The following STARD8 variants were observed in gnomAD, a reference collection of about 807,000 sequenced individuals.
The protein encoded by STARD8 is stAR-related lipid transfer protein 8.
Under a neutral mutation model 69.4 loss-of-function variants are expected in STARD8, and 25 were observed. The ratio of observed to expected loss-of-function variants is 0.36; its 90% CI spans 0.26 to 0.50. The LOEUF is 0.50. Ranked by LOEUF, STARD8 falls within the 20% of genes least tolerant of loss-of-function variation. STARD8 has a pLI of 0.96. For missense variants in STARD8, 921 were observed against 932.5 expected (o/e 0.99, Z 0.16); for synonymous variants, 389 against 374.6 (o/e 1.04, Z -0.45).
chrX:68,661,237 G>A (rs1368705513), intron 1 of STARD8, among the ~76,000 whole-genome samples: 2 of 111,891 alleles, frequency 1.8e-5, no homozygotes, highest in African/African-American at 3.3e-5. Context: ...TTGTGGCTGA[G>A]GATGGCCCGG....
chrX:68,716,735 C>T (rs897322957), intron 5 of STARD8, among the ~76,000 whole-genome samples: 2 of 111,623 alleles, frequency 1.8e-5, no homozygotes, highest in East Asian at 5.7e-4. Context: ...GGTCTCAGCT[C>T]TACCACTGAT....
chrX:68,682,144 G>A (rs1284380307), intron 2 of STARD8, among the ~76,000 whole-genome samples: 1 of 110,354 alleles, frequency 9.1e-6, no homozygotes, highest in African/African-American at 3.3e-5. Context: ...GACTACAGGC[G>A]CACACCACCA....
Position 68,647,933 on chromosome X carries a change from T to C in STARD8, c.45+6T>C. 8.4e-7 allele frequency: 1 copy of C among 1,197,596 alleles called. No individual in the cohort carries two copies. The highest frequency in any genetic ancestry group is 1.1e-6 in the Non-Finnish European group (1 of 888,520). On this transcript the variant is annotated splice_donor_region_variant and intron_variant, in intron 1 of 14. Coordinates refer to ENST00000374599, the MANE Select transcript of STARD8 (RefSeq NM_001142503.3). The stretch of plus-strand genomic sequence containing the variant: ...CTTGCTTCAGGAAGGTGAAGGTAAG[T>C]GACTGGCCAGCCCCAGCCCATCCCG...
intron 2 of STARD8, among the ~76,000 whole-genome samples, chrX:68,707,130 A>G (rs1010481550): frequency 8.9e-6 from 1 of 112,684 alleles, no homozygotes; most frequent in Non-Finnish European, 1.9e-5. Context: ...ACAAACATGG[A>G]GACCAGACCC....
chrX:68,661,482 G>A (rs2079644175), intron 1 of STARD8, among the ~76,000 whole-genome samples: 1 of 112,020 alleles, frequency 8.9e-6, no homozygotes, highest in African/African-American at 3.2e-5. Flanking sequence ...TCCAGGGCAG[G>A]AATCACATCT....
intron 5 of STARD8, 21 bp downstream of exon 5, chrX:68,716,452 G>T (rs760316831): frequency 1.7e-6 from 2 of 1,204,444 alleles, no homozygotes; most frequent in Non-Finnish European, 2.2e-6. Flanking sequence ...GCAAAGCGTG[G>T]GTCTGTGGTC....
chrX:68,705,483 A>G (rs1024802195), intron 2 of STARD8, among the ~76,000 whole-genome samples: 4 of 112,728 alleles, frequency 3.5e-5, no homozygotes, highest in African/African-American at 1.3e-4. Flanking sequence ...ATTTTTAAAT[A>G]AAATGCCAAA....
At chrX:68,673,415 G>A (rs996439779) in intron 2 of STARD8, among the ~76,000 whole-genome samples, 8 of 111,893 alleles carry the variant, frequency 7.1e-5, no homozygotes, top group East Asian at 2.8e-4. Context: ...CTATTTCATC[G>A]TCCCAGATAC....
chrX:68,663,574 G>A (rs569019728), intron 1 of STARD8, among the ~76,000 whole-genome samples: 2 of 111,660 alleles, frequency 1.8e-5, no homozygotes, highest in African/African-American at 6.5e-5. Flanking sequence ...TTAGGCTGGT[G>A]GAGTGGGGGA....
In STARD8 at chrX:68,664,943, C is replaced by T. The variant is rs899666043; in HGVS notation, c.46-556C>T. 6.3e-5 allele frequency among the ~76,000 whole-genome samples: 7 copies of T among 111,732 alleles called. No individual in the cohort carries two copies. The Admixed American group carries it at 6.6e-4, about 11-fold the overall frequency. On this transcript the variant is annotated intron_variant, in intron 1 of 14. Coordinates refer to ENST00000374599, the MANE Select transcript of STARD8 (RefSeq NM_001142503.3). The stretch of plus-strand genomic sequence containing the variant: ...TAATTTGTCACAAAGCCTGTGAAGT[C>T]GGGATTATTGCTTTCCTAGTCTTAT...
intron 1 of STARD8, among the ~76,000 whole-genome samples, chrX:68,657,095 A>G (rs185316808): frequency 8.9e-6 from 1 of 112,270 alleles, no homozygotes; most frequent in East Asian, 2.8e-4. Context: ...TTACATGGTT[A>G]TTATGAAGCT....
chrX:68,716,328 G>T (rs1389104804), intron 4 of STARD8, 40 bp from the exon 5 acceptor site: 1 of 1,186,333 alleles, frequency 8.4e-7, no homozygotes, highest in African/African-American at 1.8e-5. Flanking sequence ...CAGGCTTTGG[G>T]GATGGGGACC....
intron 2 of STARD8, among the ~76,000 whole-genome samples, chrX:68,684,625 G>A (rs1392586116): frequency 8.9e-6 from 1 of 112,872 alleles, no homozygotes; most frequent in Non-Finnish European, 1.9e-5. Context: ...AGGAGTCAAC[G>A]GGGTGGCAGC....
intron 2 of STARD8, among the ~76,000 whole-genome samples, chrX:68,694,358 G>A (rs1280296657): frequency 7.1e-5 from 8 of 112,783 alleles, no homozygotes; most frequent in African/African-American, 2.6e-4. Flanking sequence ...GATAGCTGCG[G>A]GGACCAAGCG....
chrX:68,661,623 C>T (rs1036113298), intron 1 of STARD8, among the ~76,000 whole-genome samples: 2 of 111,350 alleles, frequency 1.8e-5, no homozygotes, highest in Admixed American at 1.9e-4. Context: ...GATTTCCCCC[C>T]GTATACCCCC....
chrX:68,715,149 T>G, intron 3 of STARD8, 145 bp from the exon 4 acceptor site: 1 of 491,751 alleles, frequency 2.0e-6, no homozygotes, highest in Non-Finnish European at 3.4e-6. Context: ...GCACCCTCCT[T>G]TATTCCTGAC....
At chrX:68,676,786 TTTTG>T (rs200222600) in intron 2 of STARD8, among the ~76,000 whole-genome samples, 7,954 of 111,545 alleles carry the variant, frequency 0.071, 745 homozygotes, top group African/African-American at 0.25. Flanking sequence ...GGTTGTTGTT[TTTTG>T]TTTGTTTGTT....
chrX:68,697,362 A>G (rs1348330763), intron 2 of STARD8, among the ~76,000 whole-genome samples: 1 of 112,013 alleles, frequency 8.9e-6, no homozygotes, highest in East Asian at 2.8e-4. Context: ...GGCCCAGGAA[A>G]GGTCCCAGCC....
chrX:68,662,282 G>A (rs2079656343), intron 1 of STARD8, among the ~76,000 whole-genome samples: 1 of 110,849 alleles, frequency 9.0e-6, no homozygotes, highest in Non-Finnish European at 1.9e-5. Context: ...GTGCTGGGAG[G>A]CCACTGTGCC....
Sources: gnomAD v4.1 joint callset for allele counts (sites outside exome capture counted in the v4.1 genomes callset) on GRCh38, gnomAD v4.1.1 for gene constraint, MANE v1.5 for transcripts, NCBI Gene and HGNC (gene_info 2026-07-23, HGNC 2026-07-21) for gene names.